The following ALK variants were observed in gnomAD, a reference collection of about 807,000 sequenced individuals.
ALK encodes the protein ALK tyrosine kinase receptor.
A neutral mutation model predicts 163.1 loss-of-function variants in ALK; 74 were observed. The ratio of observed to expected loss-of-function variants is 0.45; its 90% confidence interval spans 0.38 to 0.55. The LOEUF (loss-of-function observed/expected upper bound fraction) is 0.55. ALK is among the 20% of genes least tolerant of loss of function. The pLI is 0.00. For synonymous variants in ALK, 960 were observed against 843.2 expected (o/e 1.14, Z -2.40); for missense variants, 2,063 against 2,105.3 (o/e 0.98, Z 0.39).
chr2:29,343,821 T>C (rs1480308710), intron 5 of ALK, among the ~76,000 whole-genome samples: 1 of 152,208 alleles, frequency 6.6e-6, no homozygotes, highest in Admixed American at 6.5e-5. Context: ...CACAAAGGGC[T>C]GCTTCAGACT....
intron 26 of ALK, among the ~76,000 whole-genome samples, chr2:29,206,918 C>T (rs1435337625): frequency 6.6e-6 from 1 of 152,184 alleles, no homozygotes; most frequent in Non-Finnish European, 1.5e-5. Context: ...GTTAGAAATG[C>T]AAATTCTCAG....
rs541700094 is a variant in ALK at position 29,696,939 on chromosome 2, A to T, written c.788-1925T>A. Among the ~76,000 whole-genome samples, 52 of 143,672 alleles carry T rather than the reference A, an allele frequency of 3.6e-4. No individual in the cohort carries two copies. The East Asian group carries it at 4.9e-3, about 14-fold the overall frequency. The allele number at this position is 143,672 out of a possible 152,430, so 94.3% of individuals were successfully genotyped here. On this transcript the variant is annotated intron_variant, in intron 2 of 28. Transcript: ENST00000389048. ...GCCCTTTTCCCTAAAAAAAAAAATA[A>T]AATAAAATAAATAAAAACAATAAAA...
chr2:29,317,936 A>G (rs1207824030), intron 8 of ALK, among the ~76,000 whole-genome samples: 2 of 152,252 alleles, frequency 1.3e-5, no homozygotes. Context: ...TTGAGGATGT[A>G]TAGTATTTAC....
In ALK at chr2:29,292,330, G is replaced by A. The variant is rs375696406; in HGVS notation, c.1817+4558C>T. On this transcript the variant is annotated intron_variant, in intron 9 of 28. Transcript: ENST00000389048. ...TTAGCATGGCTTCTGCTCTGTAAGC[G>A]TGTCAAAGCTTAGGATAGTGTGGGA... 4.5e-4 allele frequency among the ~76,000 whole-genome samples: 69 copies of A among 152,274 alleles called. 1 individual carries two copies. Among genetic ancestry groups the A allele is most frequent in the African/African-American group, 1.2e-3 (50 of 41,548 alleles).
rs1388212998 is a variant in ALK, at chr2:29,842,535, T to C, written c.667+77458A>G. ...ACCCCACACAGTTACCACTTCACTC[T>C]CCAAGGATAAACACTCAAGTTCCCA... On this transcript the variant is annotated intron_variant, in intron 1 of 28. Coordinates refer to ENST00000389048, the MANE Select transcript of ALK (RefSeq NM_004304.5). Among the ~76,000 whole-genome samples, 2 of 152,134 alleles carry C rather than the reference T, an allele frequency of 1.3e-5. 1 individual carries two copies. Among genetic ancestry groups the C allele is most frequent in the Non-Finnish European group, 2.9e-5 (2 of 68,020 alleles).
intron 3 of ALK, among the ~76,000 whole-genome samples, chr2:29,620,486 T>G (rs1424269653): frequency 2.2e-4 from 1 of 4,564 alleles, no homozygotes. Context: ...TACTTTTCTC[T>G]TTTTTTTTGC....
chr2:29,274,482 G>A (rs898638195), intron 11 of ALK, among the ~76,000 whole-genome samples: 2 of 152,232 alleles, frequency 1.3e-5, no homozygotes, highest in African/African-American at 4.8e-5. Context: ...GCTTCTGCGG[G>A]GCTAGGTTCA....
At chr2:29,874,335 T>G (rs1348296135) in intron 1 of ALK, among the ~76,000 whole-genome samples, 2 of 140,786 alleles carry the variant, frequency 1.4e-5, no homozygotes, top group African/African-American at 5.3e-5. Context: ...AAGGCTGACA[T>G]AGTTGAAATA....
chr2:29,916,249 T>A (rs1667829988), intron 1 of ALK, among the ~76,000 whole-genome samples: 1 of 152,230 alleles, frequency 6.6e-6, no homozygotes, highest in African/African-American at 2.4e-5. Flanking sequence ...CAACCCGAAG[T>A]TTGCTTCTAC....
intron 5 of ALK, among the ~76,000 whole-genome samples, chr2:29,332,915 G>T (rs1369684959): frequency 2.0e-5 from 3 of 152,150 alleles, no homozygotes; most frequent in Non-Finnish European, 4.4e-5. Context: ...CATTTTAAAG[G>T]CTCTTAATAC....
chr2:29,458,126 C>G (rs977266238), intron 4 of ALK, among the ~76,000 whole-genome samples: 2 of 152,142 alleles, frequency 1.3e-5, no homozygotes, highest in Admixed American at 6.5e-5. Flanking sequence ...CAGTGTTTTA[C>G]AATGTGTATA....
chr2:29,706,635 G>A (rs1678918505), intron 2 of ALK, among the ~76,000 whole-genome samples: 1 of 152,210 alleles, frequency 6.6e-6, no homozygotes, highest in African/African-American at 2.4e-5. Context: ...TCAGAGGGCA[G>A]TGTGTGTGCG....
intron 23 of ALK, among the ~76,000 whole-genome samples, chr2:29,217,289 GGT>G (rs1312856710): frequency 1.3e-5 from 2 of 150,404 alleles, no homozygotes; most frequent in Non-Finnish European, 3.0e-5. Context: ...GCATGTCTGT[GGT>G]GTGTGTGATG....
chr2:29,766,128 A>T (rs1165146470), intron 1 of ALK, among the ~76,000 whole-genome samples: 1 of 152,228 alleles, frequency 6.6e-6, no homozygotes, highest in Non-Finnish European at 1.5e-5. Context: ...ACTCAACAGA[A>T]TCCACATAAA....
chr2:29,634,615 A>C (rs888319838), intron 3 of ALK, among the ~76,000 whole-genome samples: 3 of 152,170 alleles, frequency 2.0e-5, no homozygotes, highest in Admixed American at 6.6e-5. Context: ...ATAGGGAGAG[A>C]GGAACTTCTT....
At chr2:29,640,409 T>C (rs1676668572) in intron 3 of ALK, among the ~76,000 whole-genome samples, 1 of 152,092 alleles carries the variant, frequency 6.6e-6, no homozygotes, top group Admixed American at 6.5e-5. Context: ...TTTAAAAGTG[T>C]GTGACACCTA....
At chr2:29,276,548 T>C (rs1257358923) in intron 9 of ALK, among the ~76,000 whole-genome samples, 1 of 152,138 alleles carries the variant, frequency 6.6e-6, no homozygotes, top group Non-Finnish European at 1.5e-5. Flanking sequence ...GCGTGGTCTC[T>C]GGCATGGGTA....
intron 1 of ALK, among the ~76,000 whole-genome samples, chr2:29,896,731 A>G (rs1667282481): frequency 6.6e-6 from 1 of 152,214 alleles, no homozygotes; most frequent in African/African-American, 2.4e-5. Flanking sequence ...ATCCCATTGG[A>G]CAATAAAAGT....
intron 3 of ALK, among the ~76,000 whole-genome samples, chr2:29,676,068 T>A (rs1405900751): frequency 6.6e-6 from 1 of 152,002 alleles, no homozygotes; most frequent in Non-Finnish European, 1.5e-5. Context: ...TATTATTGAT[T>A]TGTAAGAGTT....
Sources: allele counts gnomAD v4.1 joint callset (sites outside exome capture counted in the v4.1 genomes callset), GRCh38; gene constraint gnomAD v4.1.1; transcripts MANE v1.5; gene names NCBI Gene and HGNC (gene_info 2026-07-23, HGNC 2026-07-21).